The following PPP3CB variants were observed in gnomAD, a reference collection of about 807,000 sequenced individuals.
PPP3CB encodes the protein serine/threonine-protein phosphatase 2B catalytic subunit beta isoform.
A neutral mutation model predicts 66.4 loss-of-function variants in PPP3CB; 8 were observed. That is an observed-to-expected ratio of 0.12 (90% CI 0.07 to 0.22). The LOEUF is 0.22. PPP3CB is among the 10% of genes least tolerant of loss of function. The pLI, the probability that PPP3CB is intolerant of heterozygous loss-of-function variation, is 1.00. For synonymous variants in PPP3CB, 208 were observed against 221.2 expected (o/e 0.94, Z 0.53); for missense variants, 319 against 642.5 (o/e 0.50, Z 5.44).
intron 2 of PPP3CB, among the ~76,000 whole-genome samples, chr10:73,479,052 G>T (rs1409918517): frequency 6.6e-6 from 1 of 152,160 alleles, no homozygotes. Flanking sequence ...AGTAAGTATT[G>T]ATCAAATTGA....
intron 12 of PPP3CB, 82 bp downstream of exon 12, chr10:73,444,643 C>T (rs1214846665): frequency 1.3e-6 from 2 of 1,589,204 alleles, no homozygotes; most frequent in Non-Finnish European, 1.7e-6. Flanking sequence ...GAATTCCCTG[C>T]ATGCATTATG....
intron 1 of PPP3CB, among the ~76,000 whole-genome samples, chr10:73,487,456 G>A (rs1171607059): frequency 6.6e-6 from 1 of 150,612 alleles, no homozygotes; most frequent in Non-Finnish European, 1.5e-5. Flanking sequence ...GCTGAGGCAG[G>A]AGAGTTGCTT....
intron 10 of PPP3CB, 87 bp from the exon 11 acceptor site, chr10:73,446,660 C>G (rs1407486365): frequency 3.9e-6 from 5 of 1,267,596 alleles, no homozygotes; most frequent in Non-Finnish European, 3.4e-6. Flanking sequence ...CCACACTCAT[C>G]TAAACCAGTA....
chr10:73,475,068 C>G (rs3763679), intron 3 of PPP3CB, 38 bp from the exon 4 acceptor site: 1 of 1,596,606 alleles, frequency 6.3e-7, no homozygotes, highest in Non-Finnish European at 8.5e-7. Flanking sequence ...TTATCTTGTA[C>G]TTTTGTTTAA....
At chr10:73,483,952 T>C (rs1399546902) in intron 1 of PPP3CB, among the ~76,000 whole-genome samples, 1 of 151,924 alleles carries the variant, frequency 6.6e-6, no homozygotes. Context: ...AAGACCATCC[T>C]GGCCAACATA....
chr10:73,484,180 C>T (rs1217392600), intron 1 of PPP3CB, among the ~76,000 whole-genome samples: 1 of 152,064 alleles, frequency 6.6e-6, no homozygotes, highest in Non-Finnish European at 1.5e-5. Context: ...TGTTTTGCAA[C>T]TCCTAAAGCA....
intron 1 of PPP3CB, among the ~76,000 whole-genome samples, chr10:73,485,213 T>C (rs943502181): frequency 2.6e-5 from 4 of 152,120 alleles, no homozygotes; most frequent in Non-Finnish European, 4.4e-5. Context: ...ACCAATAATA[T>C]TCGCAAGGTA....
chr10:73,477,106 C>T, intron 3 of PPP3CB: 2 of 513,202 alleles, frequency 3.9e-6, no homozygotes, highest in Non-Finnish European at 7.7e-6. Context: ...TACTTAACCT[C>T]TCTAAGCCTC....
At chr10:73,454,876 CT>C (rs542229717) in intron 9 of PPP3CB, among the ~76,000 whole-genome samples, 7,197 of 143,692 alleles carry the variant, frequency 0.05, 472 homozygotes, top group African/African-American at 0.16. Context: ...AGGATTTAAT[CT>C]TTTTTTTTTT....
intron 2 of PPP3CB, among the ~76,000 whole-genome samples, chr10:73,479,008 C>T (rs79224113): frequency 0.016 from 2,507 of 152,286 alleles, 67 homozygotes; most frequent in African/African-American, 0.057. Flanking sequence ...TCTGATATGA[C>T]ATCAAGGTAT....
chr10:73,451,272 AAAGT>A (rs1424935371), intron 10 of PPP3CB, among the ~76,000 whole-genome samples: 4 of 152,024 alleles, frequency 2.6e-5, no homozygotes, highest in South Asian at 2.1e-4. Context: ...CATATTTTTA[AAAGT>A]AATAGAAAAC....
chr10:73,468,740 AATAAGT>A (rs2056658767), intron 8 of PPP3CB, among the ~76,000 whole-genome samples: 1 of 152,230 alleles, frequency 6.6e-6, no homozygotes, highest in Non-Finnish European at 1.5e-5. Context: ...TTACTAACTT[AATAAGT>A]ATATGTTTGT....
intron 9 of PPP3CB, among the ~76,000 whole-genome samples, chr10:73,456,770 G>A (rs1325091238): frequency 1.3e-5 from 2 of 152,060 alleles, no homozygotes; most frequent in Non-Finnish European, 2.9e-5. Flanking sequence ...GCTTGGATTA[G>A]GCAATGATTT....
chr10:73,489,014 C>T (rs2057031508), intron 1 of PPP3CB, among the ~76,000 whole-genome samples: 1 of 152,080 alleles, frequency 6.6e-6, no homozygotes, highest in South Asian at 2.1e-4. Flanking sequence ...AAAAAGAAAA[C>T]TTTGGATCTT....
In PPP3CB at chr10:73,437,693, AG is replaced by A; in HGVS notation, c.*548del. The A allele has an allele frequency of 6.5e-6, 1 of 152,810 alleles. No individual in the cohort carries two copies. The highest frequency in any genetic ancestry group is 3.4e-3 in the Middle Eastern group (1 of 294). 9.5% of individuals were successfully genotyped at this position (152,810 alleles called of 1,614,324 possible). A position where few individuals can be genotyped will look rare whatever the true frequency, so the allele number is the denominator to read the frequency against. On this transcript the variant is annotated 3_prime_UTR_variant, in exon 14 of 14. Coordinates refer to ENST00000360663, the MANE Select transcript of PPP3CB (RefSeq NM_021132.4). The stretch of plus-strand genomic sequence containing the variant: ...AATACCAAGACTATGTTACAGAATT[AG>A]CCACATTTAAGAACTATAGACCTGA...
intron 1 of PPP3CB, among the ~76,000 whole-genome samples, chr10:73,483,617 A>G (rs1025005463): frequency 1.3e-5 from 2 of 152,184 alleles, no homozygotes; most frequent in Non-Finnish European, 2.9e-5. Flanking sequence ...AGATCATGCC[A>G]GTGCATTCCA....
intron 9 of PPP3CB, among the ~76,000 whole-genome samples, chr10:73,455,024 C>T (rs182391328): frequency 7.6e-4 from 115 of 151,946 alleles, no homozygotes; most frequent in Middle Eastern, 3.4e-3. Flanking sequence ...AGACACCCAT[C>T]GTCATGCCCA....
intron 3 of PPP3CB, among the ~76,000 whole-genome samples, chr10:73,475,314 T>C (rs915210698): frequency 1.3e-5 from 2 of 152,196 alleles, no homozygotes; most frequent in African/African-American, 4.8e-5. Flanking sequence ...GACTGCCCAA[T>C]ATAAAAACAA....
chr10:73,493,391 T>A (rs1408887044), intron 1 of PPP3CB, among the ~76,000 whole-genome samples: 1 of 152,166 alleles, frequency 6.6e-6, no homozygotes, highest in Non-Finnish European at 1.5e-5. Context: ...CACCACATTG[T>A]GGACTTAAAA....
Sources: allele counts gnomAD v4.1 joint callset (sites outside exome capture counted in the v4.1 genomes callset), GRCh38; gene constraint gnomAD v4.1.1; transcripts MANE v1.5; gene names NCBI Gene and HGNC (gene_info 2026-07-23, HGNC 2026-07-21).